PDE3A: variants seen among roughly 807,000 people sequenced by gnomAD.
PDE3A encodes phosphodiesterase 3A.
PDE3A carries 43 observed loss-of-function variants against 98.3 expected under a neutral mutation model. That is an observed-to-expected ratio of 0.44 (90% CI 0.34 to 0.56). PDE3A has a LOEUF of 0.56. Among genes scored for constraint, PDE3A ranks in the 20% least tolerant of loss-of-function variants. PDE3A has a pLI of 0.01. For synonymous variants in PDE3A, 663 were observed against 567.9 expected, an observed-to-expected ratio of 1.17 and a Z score of -2.38; for missense variants, 1,427 against 1,440.7, an observed-to-expected ratio of 0.99 and a Z score of 0.15.
chr12:20,470,230 G>A (rs939640746), intron 1 of PDE3A, among the ~76,000 whole-genome samples: 10 of 152,102 alleles, frequency 6.6e-5, no homozygotes, highest in African/African-American at 2.4e-4. Flanking sequence ...AGAAATAATT[G>A]TGTTGATGGA....
chr12:20,581,481 T>C (rs1005648569), intron 2 of PDE3A, among the ~76,000 whole-genome samples: 3 of 152,210 alleles, frequency 2.0e-5, no homozygotes, highest in African/African-American at 7.2e-5. Context: ...TTTACTTTTT[T>C]TCTCATGTTA....
chr12:20,378,898 A>C (rs978680327), intron 1 of PDE3A, among the ~76,000 whole-genome samples: 1 of 151,608 alleles, frequency 6.6e-6, no homozygotes, highest in Non-Finnish European at 1.5e-5. Flanking sequence ...CTTTTTACCT[A>C]ATAGAGTCTT....
At chr12:20,600,265 T>C (rs889331213) in intron 2 of PDE3A, among the ~76,000 whole-genome samples, 38 of 152,300 alleles carry the variant, frequency 2.5e-4, no homozygotes, top group African/African-American at 9.1e-4. Flanking sequence ...AATACCTCAG[T>C]ACCCTCGTCC....
At chr12:20,603,682 C>T (rs1943647232) in intron 2 of PDE3A, among the ~76,000 whole-genome samples, 1 of 152,102 alleles carries the variant, frequency 6.6e-6, no homozygotes. Flanking sequence ...CATTTCTTTG[C>T]ACACACAATC....
intron 3 of PDE3A, among the ~76,000 whole-genome samples, chr12:20,614,484 T>C (rs1317095595): frequency 6.6e-6 from 1 of 152,208 alleles, no homozygotes. Context: ...GTGCTTCTGC[T>C]GTTGTGAGTC....
intron 2 of PDE3A, among the ~76,000 whole-genome samples, chr12:20,564,950 T>C (rs73076969): frequency 1.2e-3 from 179 of 152,222 alleles, no homozygotes; most frequent in Non-Finnish European, 2.3e-3. Context: ...CAACCACTGA[T>C]AATAGATGTT....
rs1290275705 is a variant in PDE3A, at chr12:20,470,842, T to G, written c.961-85818T>G. Among the ~76,000 whole-genome samples, 6 of 152,224 alleles carry G rather than the reference T, an allele frequency of 3.9e-5. No individual in the cohort carries two copies. The East Asian group carries it at 1.2e-3, about 29-fold the overall frequency. On this transcript the variant is annotated intron_variant, in intron 1 of 15. Coordinates refer to ENST00000359062, the MANE Select transcript of PDE3A (RefSeq NM_000921.5). ...TGATGGTATTTGGTGAAGGGGCCTT[T>G]GGCAGGCAGTTAGGTGTAGATGAGG...
intron 10 of PDE3A, among the ~76,000 whole-genome samples, chr12:20,644,026 G>A (rs1944711562): frequency 6.6e-6 from 1 of 152,028 alleles, no homozygotes; most frequent in Non-Finnish European, 1.5e-5. Context: ...GTACTGCTAT[G>A]CTCATGCACA....
At chr12:20,643,057 A>G (rs1470278428) in intron 10 of PDE3A, among the ~76,000 whole-genome samples, 1 of 152,108 alleles carries the variant, frequency 6.6e-6, no homozygotes, top group Admixed American at 6.6e-5. Context: ...CGGAAGAGGG[A>G]GATGGGCGGA....
chr12:20,654,660 CTTTTTTTTTTTT>C (rs71442265), intron 15 of PDE3A, among the ~76,000 whole-genome samples: 5 of 85,858 alleles, frequency 5.8e-5, no homozygotes, highest in East Asian at 4.2e-4. Context: ...CTACACCCGG[CTTTTTTTTTTTT>C]TTTTTTTTTT....
chr12:20,405,790 C>T (rs2120683843), intron 1 of PDE3A, among the ~76,000 whole-genome samples: 1 of 152,224 alleles, frequency 6.6e-6, no homozygotes, highest in East Asian at 1.9e-4. Context: ...GTAAATGATA[C>T]AGTATTTTTA....
At chr12:20,653,350 A>G (rs191079646) in intron 14 of PDE3A, among the ~76,000 whole-genome samples, 1 of 151,846 alleles carries the variant, frequency 6.6e-6, no homozygotes, top group Non-Finnish European at 1.5e-5. Context: ...ATATATTTTT[A>G]AAAAAATTGT....
chr12:20,421,854 T>C (rs1318088201), intron 1 of PDE3A, among the ~76,000 whole-genome samples: 1 of 152,094 alleles, frequency 6.6e-6, no homozygotes, highest in African/African-American at 2.4e-5. Context: ...AGTGGGAAAA[T>C]ATTTGGAAAA....
chr12:20,379,120 C>T (rs1236029633), intron 1 of PDE3A, among the ~76,000 whole-genome samples: 2 of 151,736 alleles, frequency 1.3e-5, no homozygotes, highest in East Asian at 1.9e-4. Flanking sequence ...GTATAAACCA[C>T]TTAAAGAGAC....
chr12:20,518,079 T>C (rs1946355025), intron 1 of PDE3A, among the ~76,000 whole-genome samples: 1 of 152,156 alleles, frequency 6.6e-6, no homozygotes, highest in Non-Finnish European at 1.5e-5. Context: ...TATGTACTAT[T>C]TGAATATCAA....
intron 2 of PDE3A, among the ~76,000 whole-genome samples, chr12:20,587,442 T>TTTTTTTTA (rs1388410373): frequency 4.6e-5 from 7 of 151,786 alleles, no homozygotes; most frequent in Non-Finnish European, 1.0e-4. Flanking sequence ...GGGATGAATT[T>TTTTTTTTA]TTTTTTTTAA....
intron 1 of PDE3A, among the ~76,000 whole-genome samples, chr12:20,519,137 GTTCT>G (rs1164224488): frequency 6.6e-6 from 1 of 152,158 alleles, no homozygotes; most frequent in Non-Finnish European, 1.5e-5. Flanking sequence ...TTATGGAGGA[GTTCT>G]TTAACTTTGC....
In PDE3A at chr12:20,552,255, C is replaced by T; in HGVS notation, c.961-4405C>T. On this transcript the variant is annotated intron_variant, in intron 1 of 15. Transcript: ENST00000359062. The surrounding 1 kb of genome is among the most constrained non-coding windows in gnomAD (Gnocchi z 5.1). The stretch of plus-strand genomic sequence containing the variant: ...GGGTGGTGCGCAATGTCAAGGGTGG[C>T]AAGAATAGCAAGTACGCCCCCGCTG... 2.5e-6 allele frequency: 4 copies of T among 1,613,886 alleles called. No homozygotes were observed. The highest frequency in any genetic ancestry group is 3.4e-6 in the Non-Finnish European group (4 of 1,179,868).
chr12:20,437,616 G>A (rs1416938462), intron 1 of PDE3A, among the ~76,000 whole-genome samples: 3 of 152,028 alleles, frequency 2.0e-5, no homozygotes, highest in Non-Finnish European at 4.4e-5. Flanking sequence ...CCGGGAGGGT[G>A]CCACACACTC....
Sources: gnomAD v4.1 joint callset for allele counts (sites outside exome capture counted in the v4.1 genomes callset) on GRCh38, gnomAD v4.1.1 for gene constraint, Gnocchi (gnomAD v3.1) non-coding constraint, MANE v1.5 for transcripts, NCBI Gene and HGNC (gene_info 2026-07-23, HGNC 2026-07-21) for gene names.